Variants in NHSL1 observed in about 807,000 individuals in gnomAD.
NHSL1 encodes the protein NHS like 1, also known as NHS-like protein 1.
In NHSL1, 48 loss-of-function variants were observed where a neutral mutation model predicts 95.0. The ratio of observed to expected loss-of-function variants is 0.51; its 90% CI spans 0.40 to 0.64. The LOEUF is 0.64. Among genes scored for constraint, NHSL1 ranks in the 30% least tolerant of loss-of-function variants. NHSL1 has a pLI of 0.00. For synonymous variants in NHSL1, 783 were observed against 833.9 expected, an observed-to-expected ratio of 0.94 and a Z score of 1.05; for missense variants, 1,971 against 2,077.7, an observed-to-expected ratio of 0.95 and a Z score of 1.00.
At chr6:138,471,389 G>A (rs1338880762) in intron 3 of NHSL1, among the ~76,000 whole-genome samples, 1 of 152,068 alleles carries the variant, frequency 6.6e-6, no homozygotes, top group African/African-American at 2.4e-5. Flanking sequence ...GTCCTACTCT[G>A]TAATTCACCT....
chr6:138,582,372 A>AGAAAAAAAAGAGATGGGACC (rs1784072467), intron 1 of NHSL1, among the ~76,000 whole-genome samples: 2 of 152,092 alleles, frequency 1.3e-5, no homozygotes, highest in Non-Finnish European at 2.9e-5. Flanking sequence ...TTAAAAGAAC[A>AGAAAAAAAAGAGATGGGACC]GAAAAAAAAG....
upstream of NHSL1, among the ~76,000 whole-genome samples, chr6:138,572,979 C>A (rs1212923167): frequency 2.6e-5 from 4 of 152,170 alleles, no homozygotes; most frequent in Admixed American, 1.3e-4. Context: ...CTATTCACTC[C>A]CAGCTTCCAA....
At chr6:138,641,622 CAAAAAAAA>C (rs771307557) in intron 1 of NHSL1, among the ~76,000 whole-genome samples, 8 of 76,462 alleles carry the variant, frequency 1.0e-4, no homozygotes, top group African/African-American at 1.4e-4. Flanking sequence ...GACTCCGTCT[CAAAAAAAA>C]AAAAAAAAAA....
At chr6:138,637,099 T>A (rs1339525483) in intron 1 of NHSL1, among the ~76,000 whole-genome samples, 1 of 152,006 alleles carries the variant, frequency 6.6e-6, no homozygotes, top group East Asian at 1.9e-4. Context: ...AATCCACACA[T>A]CTACCGTTAA....
At chr6:138,615,430 C>A (rs1024906896) in intron 1 of NHSL1, among the ~76,000 whole-genome samples, 9 of 152,196 alleles carry the variant, frequency 5.9e-5, no homozygotes, top group Non-Finnish European at 1.3e-4. Context: ...TTAGGAAACA[C>A]CTTTTTTATA....
chr6:138,494,254 C>T (rs1323250045), intron 2 of NHSL1, among the ~76,000 whole-genome samples: 3 of 152,164 alleles, frequency 2.0e-5, no homozygotes, highest in Non-Finnish European at 4.4e-5. Flanking sequence ...AGCTAGGACC[C>T]TGCCTTTGTA....
At chr6:138,532,195 G>A (rs1414362294) in intron 1 of NHSL1, among the ~76,000 whole-genome samples, 1 of 152,170 alleles carries the variant, frequency 6.6e-6, no homozygotes, top group Non-Finnish European at 1.5e-5. Context: ...TGAACACAGT[G>A]GGAAATATGG....
intron 1 of NHSL1, among the ~76,000 whole-genome samples, chr6:138,617,489 A>G (rs1784596173): frequency 6.6e-6 from 1 of 152,164 alleles, no homozygotes; most frequent in Non-Finnish European, 1.5e-5. Context: ...CATCAAGTAC[A>G]CTTTCATTTG....
chr6:138,599,577 T>C (rs897647150), intron 1 of NHSL1, among the ~76,000 whole-genome samples: 3 of 152,068 alleles, frequency 2.0e-5, no homozygotes, highest in African/African-American at 7.2e-5. Context: ...TATGCAGAAA[T>C]AATGGTGCTA....
chr6:138,477,245 CTAAAT>C (rs1406100021), intron 2 of NHSL1, among the ~76,000 whole-genome samples: 1 of 152,114 alleles, frequency 6.6e-6, no homozygotes, highest in Non-Finnish European at 1.5e-5. Context: ...CCCTTTTAAA[CTAAAT>C]TAATTTGTTG....
At chr6:138,487,476 A>G (rs1008261515) in intron 2 of NHSL1, among the ~76,000 whole-genome samples, 11 of 152,218 alleles carry the variant, frequency 7.2e-5, no homozygotes, top group Admixed American at 6.5e-5. Context: ...CTTCACTTGC[A>G]GTATGCACTT....
Position 138,569,478 on chromosome 6 carries a change from A to G in NHSL1, c.202+2232T>C, listed in dbSNP as rs574070933. Among the ~76,000 whole-genome samples, 130 of 152,292 alleles carry G rather than the reference A, an allele frequency of 8.5e-4. 1 individual carries two copies. Among genetic ancestry groups the G allele is most frequent in the African/African-American group, 3.0e-3 (123 of 41,548 alleles). On this transcript the variant is annotated intron_variant, in intron 1 of 6. Coordinates refer to the NHSL1 transcript ENST00000427025. ...GATGCTACACATTCCCATCAGACCA[A>G]TGTGTCTCCCAGTGCATATTTATTT...
chr6:138,568,962 C>T (rs375100662), intron 1 of NHSL1, among the ~76,000 whole-genome samples: 2 of 152,108 alleles, frequency 1.3e-5, no homozygotes, highest in African/African-American at 2.4e-5. Flanking sequence ...ATTAAAAGAC[C>T]TTCTGTTTCA....
chr6:138,662,094 A>G (rs985868740), intron 1 of NHSL1, among the ~76,000 whole-genome samples: 3 of 152,086 alleles, frequency 2.0e-5, no homozygotes, highest in Non-Finnish European at 4.4e-5. Flanking sequence ...AATAACAATA[A>G]TAATAATTTC....
intron 7 of NHSL1, among the ~76,000 whole-genome samples, chr6:138,426,490 A>T (rs1374838591): frequency 6.6e-6 from 1 of 152,218 alleles, no homozygotes; most frequent in Non-Finnish European, 1.5e-5. Flanking sequence ...CCAAAAGGGG[A>T]ATAACAGTAT....
intron 1 of NHSL1, among the ~76,000 whole-genome samples, chr6:138,600,894 C>T (rs555358015): frequency 6.6e-6 from 1 of 152,270 alleles, no homozygotes; most frequent in East Asian, 1.9e-4. Flanking sequence ...GATATATCTA[C>T]AAAAATCACT....
intron 1 of NHSL1, among the ~76,000 whole-genome samples, chr6:138,683,110 A>G (rs1308704703): frequency 6.6e-6 from 1 of 152,154 alleles, no homozygotes; most frequent in African/African-American, 2.4e-5. Flanking sequence ...AAGCAAGCCC[A>G]TGTCCATGTC....
chr6:138,521,284 A>G (rs1418939359), intron 1 of NHSL1, among the ~76,000 whole-genome samples: 1 of 152,088 alleles, frequency 6.6e-6, no homozygotes, highest in Non-Finnish European at 1.5e-5. Context: ...ACATAGTGAG[A>G]CCCCCATCTC....
At chr6:138,590,701 T>C (rs916407503) in intron 1 of NHSL1, among the ~76,000 whole-genome samples, 3 of 152,264 alleles carry the variant, frequency 2.0e-5, no homozygotes, top group East Asian at 1.9e-4. Context: ...ACCCTCTCCA[T>C]TGGGAGAATC....
Sources: gnomAD v4.1 joint callset for allele counts (sites outside exome capture counted in the v4.1 genomes callset) on GRCh38, gnomAD v4.1.1 for gene constraint, MANE v1.5 for transcripts, NCBI Gene and HGNC (gene_info 2026-07-23, HGNC 2026-07-21) for gene names.